Variants in CCDC85A observed in about 807,000 individuals in gnomAD.
CCDC85A encodes coiled-coil domain containing 85A, also known as coiled-coil domain-containing protein 85A.
A neutral mutation model predicts 50.2 loss-of-function variants in CCDC85A; 38 were observed. The ratio of observed to expected loss-of-function variants is 0.76; its 90% CI spans 0.58 to 0.99. The LOEUF (loss-of-function observed/expected upper bound fraction) is 0.99, where lower values mean the gene tolerates loss of function less well. Among genes scored for constraint, CCDC85A ranks in the 50% least tolerant of loss-of-function variants. The pLI is 0.00. For missense variants in CCDC85A, 820 were observed against 742.0 expected, an observed-to-expected ratio of 1.11 and a Z score of -1.22; for synonymous variants, 366 against 301.4, an observed-to-expected ratio of 1.21 and a Z score of -2.22.
At chr2:56,294,850 A>G (rs867418488) in intron 2 of CCDC85A, among the ~76,000 whole-genome samples, 1 of 152,228 alleles carries the variant, frequency 6.6e-6, no homozygotes, top group African/African-American at 2.4e-5. Flanking sequence ...AAAGTAGTAC[A>G]TGGTAACTAC....
At chr2:56,225,607 T>A (rs1481712542) in intron 2 of CCDC85A, among the ~76,000 whole-genome samples, 1 of 152,198 alleles carries the variant, frequency 6.6e-6, no homozygotes, top group Non-Finnish European at 1.5e-5. Context: ...AAGGTTACTT[T>A]GGTTATTCTG....
chr2:56,335,802 A>C (rs990179548), intron 2 of CCDC85A, among the ~76,000 whole-genome samples: 4 of 151,824 alleles, frequency 2.6e-5, no homozygotes, highest in African/African-American at 9.7e-5. Context: ...GGATTTCACC[A>C]TGTTGGCCAG....
chr2:56,299,052 A>G (rs1226064938), intron 2 of CCDC85A, among the ~76,000 whole-genome samples: 1 of 152,200 alleles, frequency 6.6e-6, no homozygotes, highest in Admixed American at 6.5e-5. Context: ...GGCATACAAC[A>G]GTGTGGAAGG....
intron 2 of CCDC85A, among the ~76,000 whole-genome samples, chr2:56,294,294 G>T (rs986939003): frequency 6.6e-6 from 1 of 152,158 alleles, no homozygotes; most frequent in African/African-American, 2.4e-5. Flanking sequence ...TTGGGGGGTG[G>T]CAGGGGAAGG....
At position 56,342,783 on chromosome 2, in the gene CCDC85A, C is replaced by T. The variant is rs543702317; in HGVS notation, c.1241-96C>T. The T allele has an allele frequency of 2.8e-5, 19 of 675,716 alleles. No homozygotes were observed. The South Asian group carries it at 3.5e-4, about 12-fold the overall frequency. The allele number at this position is 675,716 out of a possible 1,614,324, so 41.9% of individuals were successfully genotyped here. The stretch of plus-strand genomic sequence containing the variant: ...CATTTTAAATAACAGACTAAATAGT[C>T]ACTGTCTGATTTGAATAAATCAAGC... On this transcript the variant is annotated intron_variant, in intron 2 of 5. Coordinates refer to ENST00000407595, the MANE Select transcript of CCDC85A (RefSeq NM_001080433.2).
intron 2 of CCDC85A, among the ~76,000 whole-genome samples, chr2:56,259,088 C>A (rs1670109337): frequency 6.6e-6 from 1 of 152,254 alleles, no homozygotes; most frequent in Admixed American, 6.5e-5. Flanking sequence ...CTTTTTCCTG[C>A]AGCGATTGCT....
At chr2:56,260,554 G>T (rs1670176690) in intron 2 of CCDC85A, among the ~76,000 whole-genome samples, 1 of 152,180 alleles carries the variant, frequency 6.6e-6, no homozygotes, top group Admixed American at 6.5e-5. Context: ...TGCAGGAGTA[G>T]CAATGTGATC....
chr2:56,192,584 A>G lies in CCDC85A; in HGVS notation c.384A>G (p.Arg128=), dbSNP rs775475776. 5.0e-6 allele frequency: 8 copies of G among 1,613,876 alleles called. No individual in the cohort carries two copies. The South Asian group carries it at 8.8e-5, about 18-fold the overall frequency. ...AGAGGGTGTCTCGGGAGTGGCAGAG[A>G]CTGGGTCGCTACACTGCCGGGGTGA... ...KGKRVSREWQ[R]LGRYTAGVMH... is the part of the protein sequence containing the mutation. Residue 128 remains arginine, a synonymous_variant, in exon 2 of 6, where the codon AGA becomes AGG. Transcript: ENST00000407595. The surrounding 1 kb of genome is among the most constrained non-coding windows in gnomAD (Gnocchi z 4.7).
chr2:56,235,932 C>T (rs1668993484), intron 2 of CCDC85A, among the ~76,000 whole-genome samples: 1 of 152,094 alleles, frequency 6.6e-6, no homozygotes, highest in Non-Finnish European at 1.5e-5. Context: ...TGTTTGAGAT[C>T]AGCTTCAAAA....
At chr2:56,209,469 T>G (rs1269192684) in intron 2 of CCDC85A, among the ~76,000 whole-genome samples, 3 of 151,512 alleles carry the variant, frequency 2.0e-5, no homozygotes, top group African/African-American at 7.3e-5. Context: ...TGTTGACTTG[T>G]ATGCAAAACT....
chr2:56,241,991 G>T (rs1013157503), intron 2 of CCDC85A, among the ~76,000 whole-genome samples: 1 of 152,082 alleles, frequency 6.6e-6, no homozygotes, highest in African/African-American at 2.4e-5. Context: ...GCCAGCCTTT[G>T]TTATTGCCTG....
Position 56,198,958 on chromosome 2 carries a change from C to T in CCDC85A, c.1240+5518C>T, listed in dbSNP as rs114802328. On this transcript the variant is annotated intron_variant, in intron 2 of 5. Coordinates refer to ENST00000407595, the MANE Select transcript of CCDC85A (RefSeq NM_001080433.2). ...AGCTAGTTGCTGCCATAAAGTAAACCAAGAATCTCTTTCAACTGATTATAA... is the reference window on the plus strand; with the variant it reads ...AGCTAGTTGCTGCCATAAAGTAAACTAAGAATCTCTTTCAACTGATTATAA... Among the ~76,000 whole-genome samples, 384 of 152,184 alleles carry T rather than the reference C, an allele frequency of 2.5e-3. 1 individual carries two copies. The highest frequency in any genetic ancestry group is 3.6e-3 in the Non-Finnish European group (242 of 68,006).
At chr2:56,329,546 G>A (rs1397618841) in intron 2 of CCDC85A, among the ~76,000 whole-genome samples, 1 of 152,098 alleles carries the variant, frequency 6.6e-6, no homozygotes, top group Non-Finnish European at 1.5e-5. Context: ...AAACTAACTG[G>A]ATTTATTTGA....
In CCDC85A at chr2:56,385,130, C is replaced by T. The variant is rs541647752; in HGVS notation, c.*775C>T. 1 of 152,052 alleles carries T rather than the reference C, an allele frequency of 6.6e-6. No homozygotes were observed. The highest frequency in any genetic ancestry group is 2.1e-4 in the South Asian group (1 of 4,820). The allele number at this position is 152,052 out of a possible 1,614,324, so 9.4% of individuals were successfully genotyped here. ...AACCTTCATATTCATTCAGTGTATCCATTGGTGTTAATATTAACAATTTCA... is the reference window on the plus strand; with the variant it reads ...AACCTTCATATTCATTCAGTGTATCTATTGGTGTTAATATTAACAATTTCA... On this transcript the variant is annotated 3_prime_UTR_variant, in exon 6 of 6. Transcript: ENST00000407595.
chr2:56,359,108 A>G lies in CCDC85A; in HGVS notation c.1318-13236A>G, dbSNP rs192720019. Reference sequence around the variant, plus strand: ...CATGAGTATGTTTTCATTTGTACATAAAGACTTTATACAAATGCTCTTCCT... The same window carrying G: ...CATGAGTATGTTTTCATTTGTACATGAAGACTTTATACAAATGCTCTTCCT... On this transcript the variant is annotated intron_variant, in intron 3 of 5. Coordinates refer to ENST00000407595, the MANE Select transcript of CCDC85A (RefSeq NM_001080433.2). Among the ~76,000 whole-genome samples, 34 of 152,104 alleles carry G rather than the reference A, an allele frequency of 2.2e-4. 1 individual carries two copies. Among genetic ancestry groups the G allele is most frequent in the African/African-American group, 8.2e-4 (34 of 41,506 alleles).
At chr2:56,316,937 A>T (rs1343359490) in intron 2 of CCDC85A, among the ~76,000 whole-genome samples, 1 of 152,112 alleles carries the variant, frequency 6.6e-6, no homozygotes, top group Admixed American at 6.6e-5. Flanking sequence ...TGTATGTCTT[A>T]TCGTACATGG....
Position 56,340,370 on chromosome 2 carries a change from T to A in CCDC85A, c.1241-2509T>A, listed in dbSNP as rs1674294871. Among the ~76,000 whole-genome samples, 3 of 152,172 alleles carry A rather than the reference T, an allele frequency of 2.0e-5. No individual in the cohort carries two copies. In the South Asian group the frequency reaches 6.2e-4, roughly 31 times the overall value. ...CTCCAAACACTTAGGTGCACTACCG[T>A]ATTGCCTCTTGCCCTTTTTGTGTGT... On this transcript the variant is annotated intron_variant, in intron 2 of 5. Coordinates refer to ENST00000407595, the MANE Select transcript of CCDC85A (RefSeq NM_001080433.2).
Position 56,305,328 on chromosome 2 carries a change from A to G in CCDC85A, c.1241-37551A>G, listed in dbSNP as rs535073112. On this transcript the variant is annotated intron_variant, in intron 2 of 5. Transcript: ENST00000407595. The stretch of plus-strand genomic sequence containing the variant: ...GATCTTCCAACAAGCATGTGAGGTA[A>G]GTATTATTTATTATCCCCATTTTAC... Among the ~76,000 whole-genome samples, 21 of 152,324 alleles carry G rather than the reference A, an allele frequency of 1.4e-4. 1 individual carries two copies. The South Asian group carries it at 4.4e-3, about 32-fold the overall frequency.
At chr2:56,289,475 G>A (rs1671606230) in intron 2 of CCDC85A, among the ~76,000 whole-genome samples, 1 of 152,148 alleles carries the variant, frequency 6.6e-6, no homozygotes. Context: ...TGGGCAAAGG[G>A]GGTGATATGG....
Sources: allele counts gnomAD v4.1 joint callset (sites outside exome capture counted in the v4.1 genomes callset), GRCh38; gene constraint gnomAD v4.1.1; non-coding constraint Gnocchi (gnomAD v3.1); transcripts MANE v1.5; gene names NCBI Gene and HGNC (gene_info 2026-07-23, HGNC 2026-07-21).